TRPS1: variants seen among roughly 807,000 people sequenced by gnomAD.
TRPS1 encodes the protein zinc finger transcription factor Trps1.
A neutral mutation model predicts 101.2 loss-of-function variants in TRPS1; 6 were observed. That is an observed-to-expected ratio of 0.06 (90% CI 0.03 to 0.12). TRPS1 has a LOEUF of 0.12. Ranked by LOEUF, TRPS1 falls within the 10% of genes least tolerant of loss-of-function variation. TRPS1 has a pLI of 1.00. For missense variants in TRPS1, 1,363 were observed against 1,567.0 expected, an observed-to-expected ratio of 0.87 and a Z score of 2.20; for synonymous variants, 578 against 589.8, an observed-to-expected ratio of 0.98 and a Z score of 0.29.
At chr8:115,484,130 T>C (rs1814822633) in intron 5 of TRPS1, among the ~76,000 whole-genome samples, 1 of 152,116 alleles carries the variant, frequency 6.6e-6, no homozygotes, top group East Asian at 1.9e-4. Context: ...GAAAGCACTT[T>C]TGCCATTAAA....
Position 115,604,995 on chromosome 8 carries a change from G to A in TRPS1, c.974C>T (p.Ser325Leu), listed in dbSNP as rs1212301901. ...TCCAATGCCAATGAATGTTCCACCT[G>A]AAGTCACCTGGAGAACAGAAGAAAT... ...LNGTYDVQVT[S>L]GGTFIGIGRK... The change falls in exon 4 of 7, where the codon TCA becomes TTA. Residue 325 changes from serine (S) to leucine (L), a missense_variant. By Grantham distance (145) the Ser-to-Leu change is moderately radical. Transcript: ENST00000395715. The surrounding 1 kb of genome is among the most constrained non-coding windows in gnomAD (Gnocchi z 4.1). The A allele has an allele frequency of 1.3e-5, 21 of 1,613,224 alleles. No homozygotes were observed. Among genetic ancestry groups the A allele is most frequent in the Non-Finnish European group, 1.6e-5 (19 of 1,179,888 alleles).
intron 5 of TRPS1, among the ~76,000 whole-genome samples, chr8:115,511,880 T>C (rs1815594218): frequency 6.6e-6 from 1 of 151,884 alleles, no homozygotes; most frequent in African/African-American, 2.4e-5. Flanking sequence ...AAAACTTTTA[T>C]ATCACATACG....
chr8:115,599,456 C>T (rs1271231991), intron 4 of TRPS1, among the ~76,000 whole-genome samples: 4 of 152,020 alleles, frequency 2.6e-5, no homozygotes, highest in African/African-American at 9.7e-5. Context: ...GCCCCACATG[C>T]ATTAGGTATT....
intron 5 of TRPS1, among the ~76,000 whole-genome samples, chr8:115,495,567 G>A (rs554224004): frequency 6.6e-6 from 1 of 151,392 alleles, no homozygotes; most frequent in African/African-American, 2.4e-5. Flanking sequence ...TAAAGAATTT[G>A]ACATTGGAAT....
At chr8:115,654,493 T>C (rs1384271373) in intron 1 of TRPS1, among the ~76,000 whole-genome samples, 1 of 152,148 alleles carries the variant, frequency 6.6e-6, no homozygotes, top group East Asian at 1.9e-4. Context: ...CCATCTACAG[T>C]TTTTCAACCT....
At chr8:115,513,382 C>T (rs1815630762) in intron 5 of TRPS1, among the ~76,000 whole-genome samples, 1 of 151,558 alleles carries the variant, frequency 6.6e-6, no homozygotes, top group Non-Finnish European at 1.5e-5. Context: ...ACATCATGAT[C>T]TCATTTGTGA....
intron 3 of TRPS1, among the ~76,000 whole-genome samples, chr8:115,615,694 G>A (rs1818262351): frequency 6.6e-6 from 1 of 152,274 alleles, no homozygotes; most frequent in East Asian, 1.9e-4. Flanking sequence ...CTGGGAGGCG[G>A]AGGTTGCAGT....
chr8:115,557,612 A>G (rs1460316105), intron 5 of TRPS1, among the ~76,000 whole-genome samples: 1 of 152,118 alleles, frequency 6.6e-6, no homozygotes, highest in African/African-American at 2.4e-5. Context: ...CTTGTGAAGG[A>G]CATGTCTGCT....
At chr8:115,661,465 G>A (rs1343103177) in intron 1 of TRPS1, 3 of 151,972 alleles carry the variant, frequency 2.0e-5, no homozygotes, top group African/African-American at 7.2e-5. Context: ...AAGCTATCGT[G>A]AGTACTTCAA....
chr8:115,487,012 T>G (rs1211317041), intron 5 of TRPS1, among the ~76,000 whole-genome samples: 1 of 152,186 alleles, frequency 6.6e-6, no homozygotes, highest in Non-Finnish European at 1.5e-5. Flanking sequence ...AGAAGAAAAT[T>G]CAATGCCTGG....
intron 5 of TRPS1, among the ~76,000 whole-genome samples, chr8:115,585,408 T>C (rs3808460): frequency 0.7 from 106,031 of 152,040 alleles, 38,435 homozygotes; most frequent in African/African-American, 0.9. Context: ...AACAATATGG[T>C]GTCAAATGAA....
intron 5 of TRPS1, among the ~76,000 whole-genome samples, chr8:115,492,487 G>A (rs575179145): frequency 9.3e-5 from 7 of 75,654 alleles, no homozygotes; most frequent in South Asian, 8.8e-4. Flanking sequence ...GTGTGCGTGC[G>A]TGTGCGTGTT....
chr8:115,620,090 A>G (rs1461932849), intron 2 of TRPS1, 30 bp from the exon 3 acceptor site: 2 of 1,601,450 alleles, frequency 1.2e-6, no homozygotes, highest in Admixed American at 1.7e-5. Flanking sequence ...AGGCAGATAC[A>G]GTGTTATCTG....
chr8:115,484,455 T>C (rs1366688860), intron 5 of TRPS1, among the ~76,000 whole-genome samples: 2 of 152,206 alleles, frequency 1.3e-5, no homozygotes, highest in Non-Finnish European at 2.9e-5. Context: ...AGTACTTAGA[T>C]GCTGAAGACT....
chr8:115,633,177 G>A (rs944109192), intron 1 of TRPS1, among the ~76,000 whole-genome samples: 1 of 152,038 alleles, frequency 6.6e-6, no homozygotes. Context: ...CAGGCAAACA[G>A]GTGGTAAAAG....
chr8:115,418,232 G>A lies in TRPS1; in HGVS notation c.2823+98C>T. ...ACTGTATTAAAACAACCCTGCGGGG[G>A]CAGGCACTGCAAGCCAGGGAATGGG... On this transcript the variant is annotated intron_variant, in intron 6 of 6. Coordinates refer to ENST00000395715, the MANE Select transcript of TRPS1 (RefSeq NM_014112.5). The surrounding 1 kb of genome is among the most constrained non-coding windows in gnomAD (Gnocchi z 4.3). The A allele has an allele frequency of 6.2e-7, 1 of 1,600,180 alleles. No homozygotes were observed. The highest frequency in any genetic ancestry group is 8.6e-7 in the Non-Finnish European group (1 of 1,169,056).
chr8:115,582,532 T>C (rs1817474978), intron 5 of TRPS1, among the ~76,000 whole-genome samples: 1 of 152,222 alleles, frequency 6.6e-6, no homozygotes, highest in Non-Finnish European at 1.5e-5. Flanking sequence ...GCACTCTGCA[T>C]CTGAGGATCT....
intron 5 of TRPS1, among the ~76,000 whole-genome samples, chr8:115,458,207 G>A (rs542520388): frequency 6.6e-5 from 10 of 152,254 alleles, no homozygotes; most frequent in African/African-American, 2.4e-4. Context: ...CTCACAGGAG[G>A]TTGTGTTCTT....
intron 5 of TRPS1, among the ~76,000 whole-genome samples, chr8:115,488,512 A>G (rs1451856684): frequency 6.6e-6 from 1 of 151,858 alleles, no homozygotes; most frequent in Non-Finnish European, 1.5e-5. Context: ...AACATGGTGA[A>G]ACCCCCCAAA....
Sources: gnomAD v4.1 joint callset for allele counts (sites outside exome capture counted in the v4.1 genomes callset) on GRCh38, gnomAD v4.1.1 for gene constraint, Gnocchi (gnomAD v3.1) non-coding constraint, MANE v1.5 for transcripts, NCBI Gene and HGNC (gene_info 2026-07-23, HGNC 2026-07-21) for gene names.